Variants in FBXL5 observed in about 807,000 individuals in gnomAD.
The protein encoded by FBXL5 is F-box/LRR-repeat protein 5.
In FBXL5, 26 loss-of-function variants were observed where a neutral mutation model predicts 78.3. The observed-to-expected ratio is 0.33, with a 90% CI of 0.24 to 0.46. The LOEUF is 0.46. Ranked by LOEUF, FBXL5 falls within the 20% of genes least tolerant of loss-of-function variation. The pLI, the probability that FBXL5 is intolerant of heterozygous loss-of-function variation, is 1.00. For synonymous variants in FBXL5, 295 were observed against 282.5 expected (o/e 1.04, Z -0.45); for missense variants, 710 against 829.2 (o/e 0.86, Z 1.77).
chr4:15,662,791 C>G (rs1717374436), upstream of FBXL5, among the ~76,000 whole-genome samples: 1 of 151,978 alleles, frequency 6.6e-6, no homozygotes, highest in African/African-American at 2.4e-5. Context: ...TTTGTCTTTG[C>G]AAAGGTGTTC....
chr4:15,656,447 T>C (rs1716955551), upstream of FBXL5: 3 of 370,908 alleles, frequency 8.1e-6, no homozygotes, highest in South Asian at 3.9e-5. Context: ...GAACCAGATA[T>C]GCTGTGTTCA....
chr4:15,640,393 G>GAAAAAAAAAAAA (rs33987840), intron 3 of FBXL5, among the ~76,000 whole-genome samples: 2 of 91,622 alleles, frequency 2.2e-5, no homozygotes, highest in Admixed American at 1.3e-4. Context: ...CTACACTACT[G>GAAAAAAAAAAAA]AAAAAAAAAA....
At chr4:15,667,486 G>C (rs1349302967) in intron 1 of FBXL5, among the ~76,000 whole-genome samples, 3 of 151,982 alleles carry the variant, frequency 2.0e-5, no homozygotes, top group Non-Finnish European at 2.9e-5. Flanking sequence ...AAATGGAATA[G>C]TATTCCATTT....
At chr4:15,653,598 C>T (rs1267990488) in intron 1 of FBXL5, among the ~76,000 whole-genome samples, 1 of 152,038 alleles carries the variant, frequency 6.6e-6, no homozygotes, top group African/African-American at 2.4e-5. Flanking sequence ...GAGAGAAAAC[C>T]TTGGATTCTG....
chr4:15,650,980 C>T (rs964756357), intron 1 of FBXL5, among the ~76,000 whole-genome samples: 5 of 152,140 alleles, frequency 3.3e-5, no homozygotes, highest in African/African-American at 1.2e-4. Flanking sequence ...TCAAGTATTA[C>T]AGCCTGGTTT....
Position 15,655,264 on chromosome 4 carries a change from C to T in FBXL5, c.24G>A (p.Val8=). 1 of 1,439,900 alleles carries T rather than the reference C, an allele frequency of 6.9e-7. No homozygotes were observed. Among genetic ancestry groups the T allele is most frequent in the Non-Finnish European group, 9.3e-7 (1 of 1,077,210 alleles). The allele number at this position is 1,439,900 out of a possible 1,614,324, so 89.2% of individuals were successfully genotyped here. MAPFPEE[V]DVFTAPHWRM... is the part of the protein sequence containing the mutation. The stretch of plus-strand genomic sequence containing the variant: ...GCCAGTGTGGGGCGGTGAAGACGTC[C>T]ACTTCTTCAGGAAAGGGCGCCATCG... Residue 8 remains valine (V), a synonymous_variant, in exon 1 of 11, where the codon GTG becomes GTA. Transcript: ENST00000341285.
chr4:15,672,284 C>A (rs1288131841), intron 1 of FBXL5, among the ~76,000 whole-genome samples: 1 of 152,312 alleles, frequency 6.6e-6, no homozygotes, highest in Admixed American at 6.5e-5. Context: ...GTGGAAACAG[C>A]CAATATTCCC....
intron 10 of FBXL5, among the ~76,000 whole-genome samples, chr4:15,606,728 G>C (rs1721911857): frequency 6.6e-6 from 1 of 152,124 alleles, no homozygotes; most frequent in South Asian, 2.1e-4. Context: ...ACTTGCAATT[G>C]TGATATAAGG....
At chr4:15,675,642 C>T (rs1717961742) in intron 1 of FBXL5, among the ~76,000 whole-genome samples, 1 of 143,920 alleles carries the variant, frequency 6.9e-6, no homozygotes, top group Admixed American at 7.4e-5. Context: ...AGTGCAATGG[C>T]GCCATCTCAG....
intron 1 of FBXL5, among the ~76,000 whole-genome samples, chr4:15,651,151 T>C (rs1008382324): frequency 2.6e-5 from 4 of 152,214 alleles, no homozygotes; most frequent in African/African-American, 9.6e-5. Flanking sequence ...AAGGGAGACT[T>C]ATACTCAGTG....
chr4:15,672,248 G>A (rs1179617755), intron 1 of FBXL5, among the ~76,000 whole-genome samples: 2 of 152,192 alleles, frequency 1.3e-5, no homozygotes, highest in Non-Finnish European at 2.9e-5. Context: ...CCAATGCTCC[G>A]TGAATGAGGC....
intron 1 of FBXL5, among the ~76,000 whole-genome samples, chr4:15,665,505 G>A (rs924210852): frequency 3.3e-5 from 5 of 152,058 alleles, no homozygotes; most frequent in African/African-American, 4.8e-5. Context: ...ACAAATTTGC[G>A]AGATGTATCT....
Position 15,618,341 on chromosome 4 carries a change from G to A in FBXL5, c.1851-5927C>T, listed in dbSNP as rs186666212. On this transcript the variant is annotated intron_variant, in intron 9 of 10. Transcript: ENST00000341285. ...ATACCTAGGAGTCTGAAGGCAGCCT[G>A]GGCAACACAATGAGACTAAATATAA... 2.6e-5 allele frequency among the ~76,000 whole-genome samples: 4 copies of A among 152,140 alleles called. No homozygotes were observed. In the East Asian group the frequency reaches 7.7e-4, roughly 29 times the overall value.
rs188032768 is a variant in FBXL5, at chr4:15,634,602, G to A, written c.766+1892C>T. ...GGCTGGTCTCAAACTCCTGAACTCAGGTGATCCACCCACCTCAGCCTCCCA... is the reference window on the plus strand; with the variant it reads ...GGCTGGTCTCAAACTCCTGAACTCAAGTGATCCACCCACCTCAGCCTCCCA... On this transcript the variant is annotated intron_variant, in intron 5 of 10. Transcript: ENST00000341285. Among the ~76,000 whole-genome samples the A allele has an allele frequency of 8.0e-4, 121 of 151,908 alleles. 1 individual carries two copies. The East Asian group carries it at 0.022, about 27-fold the overall frequency.
At chr4:15,633,131 T>C (rs1438111622) in intron 5 of FBXL5, among the ~76,000 whole-genome samples, 1 of 152,228 alleles carries the variant, frequency 6.6e-6, no homozygotes, top group Non-Finnish European at 1.5e-5. Flanking sequence ...GTGGGTTCGA[T>C]TAACGATAAT....
upstream of FBXL5, among the ~76,000 whole-genome samples, chr4:15,656,719 T>A (rs1716984334): frequency 6.7e-6 from 1 of 150,076 alleles, no homozygotes; most frequent in South Asian, 2.1e-4. Context: ...ATGCCTCAGT[T>A]TGCTCTGACA....
At chr4:15,627,825 A>G in intron 7 of FBXL5, 60 bp downstream of exon 7, 1 of 1,538,170 alleles carries the variant, frequency 6.5e-7, no homozygotes, top group Non-Finnish European at 8.8e-7. Context: ...GGAATGAGCA[A>G]ACCAAACTCT....
At chr4:15,641,582 C>T (rs746892658) in intron 2 of FBXL5, 25 of 456,478 alleles carry the variant, frequency 5.5e-5, no homozygotes, top group Admixed American at 7.1e-5. Context: ...AATTGTTATT[C>T]GATTGTTTTA....
chr4:15,640,975 C>G, intron 2 of FBXL5, 92 bp from the exon 3 acceptor site: 1 of 599,790 alleles, frequency 1.7e-6, no homozygotes, highest in Non-Finnish European at 2.8e-6. Context: ...CATAAAACCT[C>G]CGGGGAAAAA....
Sources: gnomAD v4.1 joint callset for allele counts (sites outside exome capture counted in the v4.1 genomes callset) on GRCh38, gnomAD v4.1.1 for gene constraint, MANE v1.5 for transcripts, NCBI Gene and HGNC (gene_info 2026-07-23, HGNC 2026-07-21) for gene names.